FSTL5: variants seen among roughly 807,000 people sequenced by gnomAD.
The protein encoded by FSTL5 is follistatin-related protein 5.
A neutral mutation model predicts 89.1 loss-of-function variants in FSTL5; 62 were observed. The ratio of observed to expected loss-of-function variants is 0.70; its 90% CI spans 0.57 to 0.86. The LOEUF (loss-of-function observed/expected upper bound fraction) is 0.86, where lower values mean the gene tolerates loss of function less well. Among genes scored for constraint, FSTL5 ranks in the 40% least tolerant of loss-of-function variants. The pLI is 0.00. For synonymous variants in FSTL5, 383 were observed against 346.2 expected (o/e 1.11, Z -1.18); for missense variants, 1,057 against 1,001.6 (o/e 1.06, Z -0.75).
intron 4 of FSTL5, among the ~76,000 whole-genome samples, chr4:161,866,265 A>C (rs1182158722): frequency 1.3e-5 from 2 of 152,118 alleles, no homozygotes; most frequent in Non-Finnish European, 1.5e-5. Context: ...AAACCCAAAA[A>C]CTTTTTGTCT....
At chr4:161,461,445 A>G (rs1733577754) in intron 13 of FSTL5, among the ~76,000 whole-genome samples, 1 of 130,996 alleles carries the variant, frequency 7.6e-6, no homozygotes, top group African/African-American at 2.9e-5. Flanking sequence ...TGGGTGACAG[A>G]GCAAGACTCC....
At chr4:161,871,679 T>C (rs1193155320) in intron 4 of FSTL5, among the ~76,000 whole-genome samples, 1 of 152,218 alleles carries the variant, frequency 6.6e-6, no homozygotes, top group Non-Finnish European at 1.5e-5. Flanking sequence ...AAAGGCTTAT[T>C]TGACCATCTG....
chr4:161,553,237 C>T (rs1368290788), intron 8 of FSTL5, among the ~76,000 whole-genome samples: 1 of 151,134 alleles, frequency 6.6e-6, no homozygotes, highest in African/African-American at 2.4e-5. Context: ...ATATCCAATA[C>T]AATCATATAA....
intron 3 of FSTL5, among the ~76,000 whole-genome samples, chr4:161,928,093 G>A (rs1299006736): frequency 1.3e-5 from 2 of 151,778 alleles, no homozygotes; most frequent in Non-Finnish European, 2.9e-5. Context: ...AGCAATTGCT[G>A]ATATATTTAA....
At chr4:161,761,212 T>C (rs1740786965) in intron 5 of FSTL5, among the ~76,000 whole-genome samples, 1 of 152,164 alleles carries the variant, frequency 6.6e-6, no homozygotes, top group Non-Finnish European at 1.5e-5. Context: ...CTGGATGGAT[T>C]AACAAAACTA....
chr4:161,735,709 G>A (rs1739787916), intron 6 of FSTL5, among the ~76,000 whole-genome samples: 1 of 151,980 alleles, frequency 6.6e-6, no homozygotes, highest in South Asian at 2.1e-4. Flanking sequence ...AAAAATTTGA[G>A]GATATTTTTA....
At chr4:161,613,553 G>T (rs778491570) in intron 7 of FSTL5, among the ~76,000 whole-genome samples, 4 of 152,230 alleles carry the variant, frequency 2.6e-5, no homozygotes, top group Non-Finnish European at 5.9e-5. Flanking sequence ...ATTAGATAGT[G>T]TAGGATGGGA....
chr4:162,163,556 A>T (rs1275449671), intron 1 of FSTL5, 59 bp downstream of exon 1: 2 of 150,874 alleles, frequency 1.3e-5, no homozygotes, highest in Non-Finnish European at 3.0e-5. Context: ...AAATTTTTGT[A>T]TGGCAGTCTG....
chr4:161,808,842 G>A (rs78765683), intron 4 of FSTL5, among the ~76,000 whole-genome samples: 1 of 152,010 alleles, frequency 6.6e-6, no homozygotes, highest in African/African-American at 2.4e-5. Flanking sequence ...TGAGCAAAAG[G>A]CTTGAATAGA....
intron 6 of FSTL5, among the ~76,000 whole-genome samples, chr4:161,663,637 T>A (rs986094901): frequency 2.6e-5 from 4 of 152,226 alleles, no homozygotes; most frequent in Admixed American, 6.5e-5. Flanking sequence ...TGTCTGTGGC[T>A]TTTCTAGGTG....
chr4:161,543,530 C>A (rs972820079), intron 8 of FSTL5, among the ~76,000 whole-genome samples: 10 of 151,788 alleles, frequency 6.6e-5, no homozygotes, highest in Non-Finnish European at 1.2e-4. Context: ...AAAAAAAAAT[C>A]TTGAAAAAGT....
intron 13 of FSTL5, among the ~76,000 whole-genome samples, chr4:161,460,355 A>T (rs375982388): frequency 1.1e-5 from 1 of 92,324 alleles, no homozygotes; most frequent in East Asian, 6.8e-4. Flanking sequence ...TGTCATTTAC[A>T]TTAGGTGTAT....
At chr4:161,668,948 C>G (rs1736990825) in intron 6 of FSTL5, among the ~76,000 whole-genome samples, 1 of 151,388 alleles carries the variant, frequency 6.6e-6, no homozygotes, top group African/African-American at 2.4e-5. Flanking sequence ...CCCGTCTCTA[C>G]TAAAAATACA....
chr4:161,654,742 C>T (rs1736458395), intron 7 of FSTL5, among the ~76,000 whole-genome samples: 2 of 152,034 alleles, frequency 1.3e-5, no homozygotes, highest in Admixed American at 1.3e-4. Flanking sequence ...AAGGTGATGG[C>T]TTTCTTGAAT....
At chr4:161,411,298 C>A (rs1359590682) in intron 15 of FSTL5, among the ~76,000 whole-genome samples, 1 of 151,340 alleles carries the variant, frequency 6.6e-6, no homozygotes, top group African/African-American at 2.4e-5. Context: ...AGTTTTCAAA[C>A]AATTGAGAAG....
chr4:161,847,746 C>T (rs1731413384), intron 4 of FSTL5, among the ~76,000 whole-genome samples: 1 of 151,874 alleles, frequency 6.6e-6, no homozygotes, highest in Non-Finnish European at 1.5e-5. Context: ...TTTAAAAAAT[C>T]CAAGACACTG....
chr4:161,651,350 AT>A (rs1736336270), intron 7 of FSTL5, among the ~76,000 whole-genome samples: 1 of 151,820 alleles, frequency 6.6e-6, no homozygotes, highest in Admixed American at 6.6e-5. Flanking sequence ...AAAAAAAGAA[AT>A]TCTTCCATTT....
At chr4:161,888,734 A>G (rs2110742987) in intron 4 of FSTL5, among the ~76,000 whole-genome samples, 1 of 152,202 alleles carries the variant, frequency 6.6e-6, no homozygotes. Flanking sequence ...TCATGATTTG[A>G]TTCTGTCTCT....
chr4:161,838,519 C>T (rs1731118298), intron 4 of FSTL5, among the ~76,000 whole-genome samples: 3 of 152,134 alleles, frequency 2.0e-5, no homozygotes, highest in African/African-American at 7.2e-5. Context: ...CTCCTGACCT[C>T]GTGATCCGCC....
Sources: allele counts gnomAD v4.1 joint callset (sites outside exome capture counted in the v4.1 genomes callset), GRCh38; gene constraint gnomAD v4.1.1; transcripts MANE v1.5; gene names NCBI Gene and HGNC (gene_info 2026-07-23, HGNC 2026-07-21).